Variants in PDGFD observed in about 807,000 individuals in gnomAD.
The protein encoded by PDGFD is platelet derived growth factor D.
Under a neutral mutation model 44.7 loss-of-function variants are expected in PDGFD, and 30 were observed. That is an observed-to-expected ratio of 0.67 (90% CI 0.50 to 0.91). PDGFD has a LOEUF of 0.91. Among genes scored for constraint, PDGFD ranks in the 40% least tolerant of loss-of-function variants. PDGFD has a pLI of 0.00. For missense variants in PDGFD, 445 were observed against 457.8 expected (o/e 0.97, Z 0.25); for synonymous variants, 173 against 168.4 (o/e 1.03, Z -0.21).
intron 5 of PDGFD, among the ~76,000 whole-genome samples, chr11:103,942,637 C>G (rs1299879346): frequency 6.6e-6 from 1 of 152,008 alleles, no homozygotes; most frequent in Non-Finnish European, 1.5e-5. Context: ...ACCCAGGCAC[C>G]AAGCAGATAT....
chr11:104,128,766 T>G (rs1221009650), intron 1 of PDGFD, among the ~76,000 whole-genome samples: 1 of 152,088 alleles, frequency 6.6e-6, no homozygotes, highest in African/African-American at 2.4e-5. Context: ...CCTGGAAGAT[T>G]TACTGTGAGG....
chr11:103,936,903 G>A (rs915439354), intron 5 of PDGFD, among the ~76,000 whole-genome samples: 1 of 151,680 alleles, frequency 6.6e-6, no homozygotes, highest in Non-Finnish European at 1.5e-5. Flanking sequence ...ACAGCCCATG[G>A]TAGCCTTGAA....
chr11:104,144,507 C>CAAAAAAAAAAAAAAAAAAAACCAAAAA (rs1862133395), intron 1 of PDGFD, among the ~76,000 whole-genome samples: 1 of 73,820 alleles, frequency 1.4e-5, no homozygotes, highest in East Asian at 3.5e-4. Flanking sequence ...ACTCCGTCAC[C>CAAAAAAAAAAAAAAAAAAAACCAAAAA]AAAAAAAAAA....
At position 103,996,282 on chromosome 11, in the gene PDGFD, A is replaced by G. The variant is rs760104214; in HGVS notation, c.330-37T>C. 3.3e-6 allele frequency: 5 copies of G among 1,536,100 alleles called. No homozygotes were observed. In the South Asian group the frequency reaches 4.8e-5, roughly 15 times the overall value. ...TGGACATAATGAACAAGTTTTGATTAAAGTAGATTTTGAAATTCATACTTT... is the reference window on the plus strand; with the variant it reads ...TGGACATAATGAACAAGTTTTGATTGAAGTAGATTTTGAAATTCATACTTT... On this transcript the variant is annotated intron_variant, in intron 2 of 6. Transcript: ENST00000393158.
At chr11:104,076,145 CT>C (rs1450239531) in intron 1 of PDGFD, among the ~76,000 whole-genome samples, 1 of 152,152 alleles carries the variant, frequency 6.6e-6, no homozygotes, top group African/African-American at 2.4e-5. Context: ...TTCCTGCTGC[CT>C]TGTGAAGAAG....
chr11:104,037,799 T>TTGA, intron 1 of PDGFD: 1 of 1,614,148 alleles, frequency 6.2e-7, no homozygotes. Context: ...GATCAACCCA[T>TTGA]GGATATGCTT....
intron 1 of PDGFD, among the ~76,000 whole-genome samples, chr11:104,074,828 C>T (rs1034828932): frequency 1.2e-4 from 18 of 152,032 alleles, no homozygotes; most frequent in Admixed American, 1.2e-3. Flanking sequence ...TGCTGATTGC[C>T]TGGGAGGGAG....
chr11:104,116,562 C>T (rs1051824702), intron 1 of PDGFD, among the ~76,000 whole-genome samples: 4 of 151,944 alleles, frequency 2.6e-5, no homozygotes, highest in Non-Finnish European at 5.9e-5. Context: ...AATACCAAAA[C>T]CAAGAAAGGA....
chr11:104,148,545 T>C (rs1312651744), intron 1 of PDGFD, among the ~76,000 whole-genome samples: 1 of 152,132 alleles, frequency 6.6e-6, no homozygotes, highest in African/African-American at 2.4e-5. Context: ...AAATGAAACA[T>C]TGAAATATTT....
chr11:104,158,554 C>T (rs1369711033), intron 1 of PDGFD, among the ~76,000 whole-genome samples: 3 of 152,234 alleles, frequency 2.0e-5, no homozygotes, highest in African/African-American at 7.2e-5. Flanking sequence ...CACCGAAGGC[C>T]GGGCGCACTG....
chr11:103,977,086 A>C (rs1591103726), intron 3 of PDGFD, among the ~76,000 whole-genome samples: 2 of 152,132 alleles, frequency 1.3e-5, no homozygotes, highest in East Asian at 3.8e-4. Context: ...AAACTAGAAA[A>C]ATTTAGAAGA....
At chr11:103,962,634 T>C (rs1270368662) in intron 3 of PDGFD, among the ~76,000 whole-genome samples, 1 of 152,178 alleles carries the variant, frequency 6.6e-6, no homozygotes, top group South Asian at 2.1e-4. Flanking sequence ...ATAATCACCA[T>C]GTGAAAACAT....
intron 5 of PDGFD, among the ~76,000 whole-genome samples, chr11:103,941,775 G>A (rs572314596): frequency 6.6e-6 from 1 of 152,224 alleles, no homozygotes; most frequent in African/African-American, 2.4e-5. Context: ...AAGATGCCAA[G>A]AAGGGCTGTC....
At chr11:104,002,646 TAGTC>T (rs1859637382) in intron 1 of PDGFD, among the ~76,000 whole-genome samples, 1 of 152,194 alleles carries the variant, frequency 6.6e-6, no homozygotes, top group Non-Finnish European at 1.5e-5. Context: ...TTTGAGCTAT[TAGTC>T]AGTCAACAAT....
At chr11:104,106,044 T>G (rs1367427141) in intron 1 of PDGFD, among the ~76,000 whole-genome samples, 1 of 152,128 alleles carries the variant, frequency 6.6e-6, no homozygotes, top group Non-Finnish European at 1.5e-5. Flanking sequence ...AAATCTTCAT[T>G]TAAAAAAATT....
intron 1 of PDGFD, among the ~76,000 whole-genome samples, chr11:104,111,940 C>A (rs1861564827): frequency 2.0e-5 from 3 of 152,266 alleles, no homozygotes; most frequent in Non-Finnish European, 2.9e-5. Context: ...TATACATCTG[C>A]AAATTTCAGG....
At position 103,909,674 on chromosome 11, in the gene PDGFD, G is replaced by C; in HGVS notation, c.*20C>G. The stretch of plus-strand genomic sequence containing the variant: ...AACTAAAGGTTCTTTCAGGCTTAAT[G>C]TAAGGATGTGCACATTCTCTTATCG... On this transcript the variant is annotated 3_prime_UTR_variant, in exon 7 of 7. Transcript: ENST00000393158. The C allele has an allele frequency of 6.2e-7, 1 of 1,613,760 alleles. No individual in the cohort carries two copies. Among genetic ancestry groups the C allele is most frequent in the Non-Finnish European group, 8.5e-7 (1 of 1,179,670 alleles).
chr11:104,132,671 A>G (rs976016952), intron 1 of PDGFD, among the ~76,000 whole-genome samples: 1 of 152,110 alleles, frequency 6.6e-6, no homozygotes, highest in African/African-American at 2.4e-5. Context: ...ATTATTTCAC[A>G]TAATTATTTA....
chr11:104,135,547 G>A (rs2119855995), intron 1 of PDGFD, among the ~76,000 whole-genome samples: 2 of 152,286 alleles, frequency 1.3e-5, no homozygotes, highest in Middle Eastern at 3.4e-3. Flanking sequence ...AGGCTTGGAG[G>A]GGTTGAAGAA....
Sources: allele counts gnomAD v4.1 joint callset (sites outside exome capture counted in the v4.1 genomes callset), GRCh38; gene constraint gnomAD v4.1.1; transcripts MANE v1.5; gene names NCBI Gene and HGNC (gene_info 2026-07-23, HGNC 2026-07-21).